The following KIAA0040 variants were observed in gnomAD, a reference collection of about 807,000 sequenced individuals.
KIAA0040 encodes the protein KIAA0040, also known as uncharacterized protein KIAA0040.
A neutral mutation model predicts 7.2 loss-of-function variants in KIAA0040; 10 were observed. The ratio of observed to expected loss-of-function variants is 1.38; its 90% CI spans 0.85 to 2.34. The LOEUF (loss-of-function observed/expected upper bound fraction) is 2.34. Ranked by LOEUF, KIAA0040 falls within the 30% of genes most tolerant of loss-of-function variation. The pLI is 0.00. For missense variants in KIAA0040, 89 were observed against 108.2 expected, an observed-to-expected ratio of 0.82 and a Z score of 0.79; for synonymous variants, 49 against 40.1, an observed-to-expected ratio of 1.22 and a Z score of -0.84.
chr1:175,157,433 T>C lies in KIAA0040; in HGVS notation c.*3281A>G, dbSNP rs1232174935. On this transcript the variant is annotated 3_prime_UTR_variant, in exon 4 of 4. Transcript: ENST00000423313. Reference sequence around the variant, plus strand: ...CGGTGACCAGGGAGGGCTGGGACATTTGTGTCACAGAAAGAGTCCCTGCAT... The same window carrying C: ...CGGTGACCAGGGAGGGCTGGGACATCTGTGTCACAGAAAGAGTCCCTGCAT... The C allele has an allele frequency of 6.6e-6, 1 of 152,162 alleles. No individual in the cohort carries two copies. Among genetic ancestry groups the C allele is most frequent in the Non-Finnish European group, 1.5e-5 (1 of 68,044 alleles). The allele number at this position is 152,162 out of a possible 1,614,324, so 9.4% of individuals were successfully genotyped here.
intron 1 of KIAA0040, among the ~76,000 whole-genome samples, chr1:175,185,419 C>T (rs1277214587): frequency 4.6e-5 from 7 of 152,170 alleles, no homozygotes. Context: ...CTTTAGTTTA[C>T]CCCCAAATAT....
At chr1:175,173,718 C>T (rs960824776) in intron 2 of KIAA0040, among the ~76,000 whole-genome samples, 3 of 152,182 alleles carry the variant, frequency 2.0e-5, no homozygotes, top group Non-Finnish European at 4.4e-5. Context: ...CTCTTGATTA[C>T]GATGCCTTCT....
At chr1:175,189,737 C>T (rs1285703130) in intron 1 of KIAA0040, among the ~76,000 whole-genome samples, 2 of 152,222 alleles carry the variant, frequency 1.3e-5, no homozygotes, top group South Asian at 2.1e-4. Flanking sequence ...TAGAGTCTTA[C>T]AATTTATGTA....
At chr1:175,166,981 C>A (rs558236122) in intron 2 of KIAA0040, among the ~76,000 whole-genome samples, 11 of 152,284 alleles carry the variant, frequency 7.2e-5, no homozygotes, top group African/African-American at 1.7e-4. Flanking sequence ...CAAACCAGAT[C>A]CCTGTCCTTT....
At position 175,160,912 on chromosome 1, in the gene KIAA0040, G is replaced by A; in HGVS notation, c.102C>T (p.Gly34=). Reference sequence around the variant, plus strand: ...GTGTGATGATCACCAAGAGTGGCAGGCCCAGGAGGACTCCCAGGCAGATGG... The same window carrying A: ...GTGTGATGATCACCAAGAGTGGCAGACCCAGGAGGACTCCCAGGCAGATGG... ...YNTICLGVLL[G]LPLLVIITLL... The change falls in exon 4 of 4, where the codon GGC becomes GGT. Residue 34 remains glycine, a synonymous_variant. Coordinates refer to ENST00000423313, the MANE Select transcript of KIAA0040 (RefSeq NM_014656.3). 4 of 1,551,562 alleles carry A rather than the reference G, an allele frequency of 2.6e-6. No individual in the cohort carries two copies. The highest frequency in any genetic ancestry group is 3.5e-6 in the Non-Finnish European group (4 of 1,146,974).
chr1:175,162,974 T>A (rs555711746), intron 3 of KIAA0040, among the ~76,000 whole-genome samples: 59 of 152,338 alleles, frequency 3.9e-4, no homozygotes, highest in African/African-American at 1.3e-3. Context: ...CTCTATTAAC[T>A]CATTCATCTT....
chr1:175,173,997 T>C, intron 2 of KIAA0040, among the ~76,000 whole-genome samples: 1 of 152,112 alleles, frequency 6.6e-6, no homozygotes, highest in Admixed American at 6.6e-5. Flanking sequence ...CTGCTGGAGC[T>C]TTAAAAGGGC....
intron 1 of KIAA0040, among the ~76,000 whole-genome samples, chr1:175,181,974 T>C (rs1471398695): frequency 6.6e-6 from 1 of 152,102 alleles, no homozygotes; most frequent in African/African-American, 2.4e-5. Flanking sequence ...CGACCCCCTC[T>C]CCCAGGGCCT....
At chr1:175,191,231 T>C (rs953734089) in intron 1 of KIAA0040, among the ~76,000 whole-genome samples, 5 of 152,224 alleles carry the variant, frequency 3.3e-5, no homozygotes, top group Non-Finnish European at 7.3e-5. Context: ...GTTGAATGAA[T>C]GTATGGAATG....
intron 2 of KIAA0040, among the ~76,000 whole-genome samples, chr1:175,170,601 C>T (rs1303010257): frequency 6.6e-6 from 1 of 152,158 alleles, no homozygotes; most frequent in African/African-American, 2.4e-5. Context: ...TCCTTCAACA[C>T]TCGGACTAAG....
chr1:175,170,860 TCC>T (rs1676962066), intron 2 of KIAA0040, among the ~76,000 whole-genome samples: 1 of 150,704 alleles, frequency 6.6e-6, no homozygotes, highest in African/African-American at 2.5e-5. Flanking sequence ...CCTCATGGCT[TCC>T]CGTCACTAGA....
intron 2 of KIAA0040, among the ~76,000 whole-genome samples, chr1:175,174,517 A>T (rs939874064): frequency 1.3e-5 from 2 of 152,236 alleles, no homozygotes; most frequent in Non-Finnish European, 2.9e-5. Flanking sequence ...CTCATCCTGG[A>T]TATCTCTCAA....
chr1:175,169,734 G>A (rs1018311816), intron 2 of KIAA0040, among the ~76,000 whole-genome samples: 1 of 152,116 alleles, frequency 6.6e-6, no homozygotes, highest in Non-Finnish European at 1.5e-5. Context: ...ATGAAAATAT[G>A]GATAAGCACC....
At chr1:175,177,897 G>T (rs1677269956) in intron 1 of KIAA0040, among the ~76,000 whole-genome samples, 1 of 152,234 alleles carries the variant, frequency 6.6e-6, no homozygotes, top group Non-Finnish European at 1.5e-5. Flanking sequence ...AATGTAATGT[G>T]TGTCTGGGCT....
Position 175,180,913 on chromosome 1 carries a change from A to G in KIAA0040, c.-383-3229T>C, listed in dbSNP as rs537399816. On this transcript the variant is annotated intron_variant, in intron 1 of 3. Coordinates refer to ENST00000423313, the MANE Select transcript of KIAA0040 (RefSeq NM_014656.3). ...GTCACCCAGGCTAGTGTGCAGTGGCACAATCACTGTAACCTTGATTTCTTG... is the reference window on the plus strand; with the variant it reads ...GTCACCCAGGCTAGTGTGCAGTGGCGCAATCACTGTAACCTTGATTTCTTG... Among the ~76,000 whole-genome samples, 124 of 152,348 alleles carry G rather than the reference A, an allele frequency of 8.1e-4. 4 individuals are homozygous for G. In the South Asian group the frequency reaches 0.023, roughly 29 times the overall value.
chr1:175,182,119 G>A (rs1357098379), intron 1 of KIAA0040, among the ~76,000 whole-genome samples: 2 of 152,188 alleles, frequency 1.3e-5, no homozygotes, highest in Non-Finnish European at 2.9e-5. Context: ...AACATGTTAT[G>A]ACTTGAGTGT....
At chr1:175,184,400 CCTT>C (rs1189210754) in intron 1 of KIAA0040, among the ~76,000 whole-genome samples, 2 of 152,192 alleles carry the variant, frequency 1.3e-5, no homozygotes, top group Non-Finnish European at 2.9e-5. Context: ...CACTCCCTAC[CCTT>C]CTTCTCCCTC....
chr1:175,168,694 T>C (rs13375568), intron 2 of KIAA0040, among the ~76,000 whole-genome samples: 135 of 152,314 alleles, frequency 8.9e-4, no homozygotes, highest in African/African-American at 3.1e-3. Flanking sequence ...TGGTGACTAA[T>C]AGAGCCAGGG....
chr1:175,182,608 A>G (rs929227309), intron 1 of KIAA0040, among the ~76,000 whole-genome samples: 1 of 152,226 alleles, frequency 6.6e-6, no homozygotes, highest in East Asian at 1.9e-4. Flanking sequence ...TGCAGCTTTC[A>G]GTCTACGCTC....
Sources: gnomAD v4.1 joint callset for allele counts (sites outside exome capture counted in the v4.1 genomes callset) on GRCh38, gnomAD v4.1.1 for gene constraint, MANE v1.5 for transcripts, NCBI Gene and HGNC (gene_info 2026-07-23, HGNC 2026-07-21) for gene names.